The following ULBP1 variants were observed in gnomAD, a reference collection of about 807,000 sequenced individuals.
The protein encoded by ULBP1 is UL16 binding protein 1.
A neutral mutation model predicts 25.3 loss-of-function variants in ULBP1; 28 were observed. That is an observed-to-expected ratio of 1.10 (90% CI 0.82 to 1.51). The LOEUF (loss-of-function observed/expected upper bound fraction) is 1.51. Among genes scored for constraint, ULBP1 ranks in the 40% most tolerant of loss-of-function variants. The pLI, the probability that ULBP1 is intolerant of heterozygous loss-of-function variation, is 0.00. For missense variants in ULBP1, 348 were observed against 290.9 expected (o/e 1.20, Z -1.43); for synonymous variants, 129 against 103.0 (o/e 1.25, Z -1.53).
At chr6:149,969,514 T>G (rs1442173211) in intron 3 of ULBP1, among the ~76,000 whole-genome samples, 154 bp downstream of exon 3, 7 of 152,114 alleles carry the variant, frequency 4.6e-5, no homozygotes, top group Admixed American at 1.3e-4. Context: ...GCCTGTGCTC[T>G]CTCATCCTCC....
At chr6:149,969,004 C>A in intron 2 of ULBP1, 81 bp from the exon 3 acceptor site, 1 of 1,565,024 alleles carries the variant, frequency 6.4e-7, no homozygotes, top group Non-Finnish European at 8.7e-7. Context: ...GCAGAGAGAG[C>A]AAGTCCAGGA....
At chr6:149,969,414 G>T (rs1450909305) in intron 3 of ULBP1, 54 bp downstream of exon 3, 10 of 1,588,242 alleles carry the variant, frequency 6.3e-6, no homozygotes, top group Non-Finnish European at 8.6e-6. Flanking sequence ...CTTATCAGCT[G>T]GTGTATGTGT....
intron 1 of ULBP1, among the ~76,000 whole-genome samples, chr6:149,966,782 C>G (rs1380241063): frequency 6.6e-6 from 1 of 152,152 alleles, no homozygotes; most frequent in African/African-American, 2.4e-5. Flanking sequence ...CCCAGGACCA[C>G]AGCAGGAGCC....
intron 1 of ULBP1, 58 bp from the exon 2 acceptor site, chr6:149,968,549 G>C: frequency 6.4e-7 from 1 of 1,557,534 alleles, no homozygotes; most frequent in Non-Finnish European, 8.7e-7. Context: ...AGTGGGAGGA[G>C]GGGATACAGG....
chr6:149,966,745 A>G (rs1414023894), intron 1 of ULBP1, among the ~76,000 whole-genome samples: 1 of 152,074 alleles, frequency 6.6e-6, no homozygotes, highest in Non-Finnish European at 1.5e-5. Context: ...CTGCCCTCCC[A>G]TAGCTGGAGG....
At chr6:149,965,999 C>G (rs9478311) in intron 1 of ULBP1, among the ~76,000 whole-genome samples, 60,785 of 151,554 alleles carry the variant, frequency 0.4, 17,023 homozygotes, top group African/African-American at 0.76. Flanking sequence ...ATTTCCCTCA[C>G]GATGACCCTG....
chr6:149,966,550 T>G (rs1392707821), intron 1 of ULBP1, among the ~76,000 whole-genome samples: 2 of 151,898 alleles, frequency 1.3e-5, no homozygotes, highest in Non-Finnish European at 2.9e-5. Context: ...GGTGAGGGGG[T>G]GCAGCCATGT....
In ULBP1 at chr6:149,972,668, G is replaced by GA. The variant is rs1432601953; in HGVS notation, c.*1328dup. ...ACTTAAACAATTCAACAAGCAAGAA[G>GA]AAAAAACCCAATTAAAATTGGGCAA... is the stretch of plus-strand genomic sequence containing the variant. On this transcript the variant is annotated 3_prime_UTR_variant, in exon 5 of 5. Transcript: ENST00000229708. The GA allele has an allele frequency of 3.9e-5, 6 of 152,044 alleles. No homozygotes were observed. Among genetic ancestry groups the GA allele is most frequent in the African/African-American group, 1.4e-4 (6 of 41,392 alleles). 9.4% of individuals were successfully genotyped at this position (152,044 alleles called of 1,614,324 possible).
chr6:149,964,827 C>T (rs1779170401), intron 1 of ULBP1, among the ~76,000 whole-genome samples: 1 of 125,992 alleles, frequency 7.9e-6, no homozygotes, highest in African/African-American at 3.0e-5. Context: ...CCCCGAACAT[C>T]GCCGTCCCCC....
rs534147339 is a variant in ULBP1 at position 149,965,798 on chromosome 6, G to T, written c.85+1664G>T. On this transcript the variant is annotated intron_variant, in intron 1 of 4. Coordinates refer to ENST00000229708, the MANE Select transcript of ULBP1 (RefSeq NM_025218.4). Reference sequence around the variant, plus strand: ...ACCATTCACTTTCACCACCCAGGTCGCATCCTTTCACTCCCCATCTCAGCT... The same window carrying T: ...ACCATTCACTTTCACCACCCAGGTCTCATCCTTTCACTCCCCATCTCAGCT... Among the ~76,000 whole-genome samples the T allele has an allele frequency of 4.4e-4, 67 of 152,060 alleles. 1 individual carries two copies. In the South Asian group the frequency reaches 0.011, roughly 25 times the overall value.
intron 4 of ULBP1, 27 bp downstream of exon 4, chr6:149,970,174 G>A (rs772048398): frequency 2.6e-6 from 4 of 1,555,162 alleles, no homozygotes; most frequent in South Asian, 1.2e-5. Context: ...TGGGAGGGGA[G>A]CAAGAGGCAG....
intron 4 of ULBP1, 64 bp downstream of exon 4, chr6:149,970,211 G>A (rs951841398): frequency 6.6e-7 from 1 of 1,516,388 alleles, no homozygotes; most frequent in Non-Finnish European, 8.9e-7. Flanking sequence ...GATGTGGAAG[G>A]AGAATTCCCA....
Position 149,964,026 on chromosome 6 carries a change from T to C in ULBP1, c.-24T>C, listed in dbSNP as rs1307610913. ...CTCGAAGGGAACCATCAGCGCCTCCTGTCCACGGAGCTCCAGGTCTACAAT... is the reference window on the plus strand; with the variant it reads ...CTCGAAGGGAACCATCAGCGCCTCCCGTCCACGGAGCTCCAGGTCTACAAT... On this transcript the variant is annotated 5_prime_UTR_variant, in exon 1 of 5. Coordinates refer to ENST00000229708, the MANE Select transcript of ULBP1 (RefSeq NM_025218.4). 6.2e-7 allele frequency: 1 copy of C among 1,613,342 alleles called. No individual in the cohort carries two copies. The highest frequency in any genetic ancestry group is 1.3e-5 in the African/African-American group (1 of 74,794).
rs148127981 is a variant in ULBP1, at chr6:149,970,236, G to A, written c.*22+89G>A. On this transcript the variant is annotated intron_variant, in intron 4 of 4. Transcript: ENST00000229708. Reference sequence around the variant, plus strand: ...GAGAATTCCCAGAGTCCCAGAGGCCGGGAACTTCTCATCCTGACATTAGAC... The same window carrying A: ...GAGAATTCCCAGAGTCCCAGAGGCCAGGAACTTCTCATCCTGACATTAGAC... 3.1e-4 allele frequency: 458 copies of A among 1,476,714 alleles called. 2 individuals are homozygous for A. In the East Asian group the frequency reaches 7.7e-3, roughly 25 times the overall value. 91.5% of individuals were successfully genotyped at this position (1,476,714 alleles called of 1,614,324 possible).
rs1779337831 is a variant in ULBP1, at chr6:149,972,630, G to T, written c.*1284G>T. ...GCATCTGATGAAGGTCCAATATCCA[G>T]AATCTACAAGGAACTTAAACAATTC... On this transcript the variant is annotated 3_prime_UTR_variant, in exon 5 of 5. Coordinates refer to ENST00000229708, the MANE Select transcript of ULBP1 (RefSeq NM_025218.4). 1 of 152,132 alleles carries T rather than the reference G, an allele frequency of 6.6e-6. No homozygotes were observed. The highest frequency in any genetic ancestry group is 6.5e-5 in the Admixed American group (1 of 15,272). The allele number at this position is 152,132 out of a possible 1,614,324, so 9.4% of individuals were successfully genotyped here.
In ULBP1 at chr6:149,968,858, T is replaced by C; in HGVS notation, c.337T>C (p.Leu113=). The C allele has an allele frequency of 6.2e-7, 1 of 1,613,926 alleles. No homozygotes were observed. The highest frequency in any genetic ancestry group is 8.5e-7 in the Non-Finnish European group (1 of 1,179,916). Residue 113 remains leucine, a synonymous_variant, in exon 2 of 5, where the codon TTA becomes CTA. Coordinates refer to ENST00000229708, the MANE Select transcript of ULBP1 (RefSeq NM_025218.4). ...ACTGCTTGACATTCAAGTGGAGAAT[T>C]TAATACCCATTGGTAAGTTTAAAAT... is the stretch of plus-strand genomic sequence containing the variant. ...GQLLDIQVEN[L]IPIEPLTLQA... is the part of the protein sequence containing the mutation.
chr6:149,969,874 G>C, intron 3 of ULBP1, 142 bp from the exon 4 acceptor site: 1 of 1,139,648 alleles, frequency 8.8e-7, no homozygotes, highest in Non-Finnish European at 1.2e-6. Flanking sequence ...CTTACCCCAA[G>C]ACTTGTCCCA....
Position 149,964,021 on chromosome 6 carries a change from C to T in ULBP1, c.-29C>T, listed in dbSNP as rs761494473. ...TGAGCCTCGAAGGGAACCATCAGCG[C>T]CTCCTGTCCACGGAGCTCCAGGTCT... On this transcript the variant is annotated 5_prime_UTR_variant, in exon 1 of 5. Coordinates refer to ENST00000229708, the MANE Select transcript of ULBP1 (RefSeq NM_025218.4). 1 of 1,612,462 alleles carries T rather than the reference C, an allele frequency of 6.2e-7. No homozygotes were observed. Among genetic ancestry groups the T allele is most frequent in the East Asian group, 2.2e-5 (1 of 44,868 alleles).
At chr6:149,970,186 TG>T in intron 4 of ULBP1, 39 bp downstream of exon 4, 2 of 1,540,450 alleles carry the variant, frequency 1.3e-6, no homozygotes, top group Non-Finnish European at 1.8e-6. Context: ...AAGAGGCAGA[TG>T]GGTGAGATGG....
Sources: gnomAD v4.1 joint callset for allele counts (sites outside exome capture counted in the v4.1 genomes callset) on GRCh38, gnomAD v4.1.1 for gene constraint, MANE v1.5 for transcripts, NCBI Gene and HGNC (gene_info 2026-07-23, HGNC 2026-07-21) for gene names.